Variants in CFAP57 observed in about 807,000 individuals in gnomAD.
The protein encoded by CFAP57 is cilia- and flagella-associated protein 57.
In CFAP57, 116 loss-of-function variants were observed where a neutral mutation model predicts 146.8. That is an observed-to-expected ratio of 0.79 (90% CI 0.68 to 0.92). CFAP57 has a LOEUF of 0.92. CFAP57 is among the 40% of genes least tolerant of loss of function. The pLI is 0.00. For missense variants in CFAP57, 1,377 were observed against 1,527.2 expected (o/e 0.90, Z 1.64); for synonymous variants, 518 against 552.8 (o/e 0.94, Z 0.88).
chr1:43,249,190 G>A (rs1266384195), intron 22 of CFAP57, among the ~76,000 whole-genome samples: 5 of 151,644 alleles, frequency 3.3e-5, no homozygotes, highest in South Asian at 2.1e-4. Context: ...GTGAGCTGCC[G>A]TGTCCAGCCC....
intron 21 of CFAP57, among the ~76,000 whole-genome samples, chr1:43,242,012 C>A (rs1195843846): frequency 6.6e-6 from 1 of 152,078 alleles, no homozygotes. Flanking sequence ...ACCACCTGGC[C>A]CCCAGCAAGC....
chr1:43,215,491 G>A, intron 12 of CFAP57, 75 bp downstream of exon 12: 1 of 1,496,898 alleles, frequency 6.7e-7, no homozygotes, highest in South Asian at 1.3e-5. Flanking sequence ...CCAGCACTGG[G>A]GCCCTCTACA....
At chr1:43,221,540 C>T (rs1570199344) in intron 14 of CFAP57, 75 bp downstream of exon 14, 8 of 975,872 alleles carry the variant, frequency 8.2e-6, no homozygotes, top group East Asian at 5.6e-5. Flanking sequence ...AAGAGTCCCC[C>T]AGACACAGTA....
intron 22 of CFAP57, among the ~76,000 whole-genome samples, chr1:43,243,795 C>G (rs1570345657): frequency 6.6e-6 from 1 of 152,018 alleles, no homozygotes. Context: ...GGATTGTGAA[C>G]CTGTACAATT....
intron 6 of CFAP57, among the ~76,000 whole-genome samples, chr1:43,189,220 AGTCTGTGTCCCTTGC>A (rs1643346268): frequency 6.6e-6 from 1 of 152,216 alleles, no homozygotes; most frequent in Non-Finnish European, 1.5e-5. Context: ...TGTTTTGGGT[AGTCTGTGTCCCTTGC>A]AATTCCATAT....
chr1:43,181,935 A>G, intron 3 of CFAP57, 85 bp downstream of exon 3: 3 of 1,440,802 alleles, frequency 2.1e-6, no homozygotes, highest in Non-Finnish European at 2.9e-6. Context: ...CCACAGTTCT[A>G]ATTTCCTCCA....
At chr1:43,234,202 A>G (rs1002438339) in intron 19 of CFAP57, 77 bp from the exon 20 acceptor site, 81 of 1,422,830 alleles carry the variant, frequency 5.7e-5, no homozygotes, top group Non-Finnish European at 7.1e-5. Context: ...TTTCTGTGCC[A>G]TTAACCTCTG....
intron 12 of CFAP57, among the ~76,000 whole-genome samples, chr1:43,217,511 C>T (rs1644879502): frequency 6.6e-6 from 1 of 152,140 alleles, no homozygotes; most frequent in Non-Finnish European, 1.5e-5. Context: ...AGCAGAGAAG[C>T]AAGACAGGCC....
intron 18 of CFAP57, 32 bp downstream of exon 18, chr1:43,227,158 C>T: frequency 6.7e-7 from 1 of 1,491,672 alleles, no homozygotes; most frequent in Non-Finnish European, 8.9e-7. Flanking sequence ...TCTGGCCTCT[C>T]AGACCCTCTG....
At chr1:43,244,160 C>T (rs1464538613) in intron 22 of CFAP57, among the ~76,000 whole-genome samples, 1 of 152,186 alleles carries the variant, frequency 6.6e-6, no homozygotes, top group South Asian at 2.1e-4. Context: ...CTTATCTGGA[C>T]AATCGATAAA....
At chr1:43,221,919 G>A (rs1411621494) in intron 14 of CFAP57, among the ~76,000 whole-genome samples, 186 bp from the exon 15 acceptor site, 1 of 152,148 alleles carries the variant, frequency 6.6e-6, no homozygotes, top group Non-Finnish European at 1.5e-5. Context: ...AGGGAGTTTG[G>A]CTACCTGATG....
chr1:43,216,323 C>T (rs1644832433), intron 12 of CFAP57, among the ~76,000 whole-genome samples: 1 of 152,152 alleles, frequency 6.6e-6, no homozygotes. Flanking sequence ...GTGACAAGCC[C>T]CTGGCATTCG....
At chr1:43,243,938 G>C (rs1211334997) in intron 22 of CFAP57, among the ~76,000 whole-genome samples, 1 of 152,154 alleles carries the variant, frequency 6.6e-6, no homozygotes, top group Non-Finnish European at 1.5e-5. Flanking sequence ...AAGGCAAAAA[G>C]AGAAACAAAG....
chr1:43,219,600 C>T (rs1644966769), intron 13 of CFAP57, 63 bp downstream of exon 13: 2 of 1,515,730 alleles, frequency 1.3e-6, no homozygotes, highest in South Asian at 1.2e-5. Context: ...CAAGACAGGA[C>T]TGGCATATAC....
Position 43,197,508 on chromosome 1 carries a change from C to T in CFAP57, c.1123-45C>T, listed in dbSNP as rs143588674. On this transcript the variant is annotated intron_variant, in intron 6 of 22. Transcript: ENST00000372492. ...AATTAGAGCTGACATGTACAGCCAG[C>T]CTTTTGCTTACTCTGCGGGATCTTG... The T allele has an allele frequency of 1.3e-4, 202 of 1,614,096 alleles. 1 individual carries two copies. In the African/African-American group the frequency reaches 2.5e-3, roughly 20 times the overall value.
intron 22 of CFAP57, among the ~76,000 whole-genome samples, chr1:43,244,282 C>T (rs1443442741): frequency 6.6e-6 from 1 of 152,096 alleles, no homozygotes; most frequent in African/African-American, 2.4e-5. Flanking sequence ...CTGAAACATC[C>T]CATAGCTATG....
At chr1:43,190,272 T>C (rs889499801) in intron 6 of CFAP57, among the ~76,000 whole-genome samples, 3 of 141,894 alleles carry the variant, frequency 2.1e-5, no homozygotes, top group African/African-American at 5.3e-5. Context: ...TCTCTTTTTT[T>C]TTTTTTTTTT....
chr1:43,204,604 C>G (rs1158634788), intron 9 of CFAP57, among the ~76,000 whole-genome samples: 2 of 152,192 alleles, frequency 1.3e-5, no homozygotes, highest in Non-Finnish European at 2.9e-5. Context: ...CTACTCAGAT[C>G]TATTTTTCAT....
At position 43,172,376 on chromosome 1, in the gene CFAP57, T is replaced by C; in HGVS notation, c.-97T>C. Reference sequence around the variant, plus strand: ...TAGGAACCGCTACGGCGTTTGAAAGTGTCCGGGTTGCTTAGGATCCCTACA... The same window carrying C: ...TAGGAACCGCTACGGCGTTTGAAAGCGTCCGGGTTGCTTAGGATCCCTACA... On this transcript the variant is annotated 5_prime_UTR_variant, in exon 1 of 23. Coordinates refer to ENST00000372492, the MANE Select transcript of CFAP57 (RefSeq NM_001378189.1). 1.3e-6 allele frequency: 2 copies of C among 1,551,520 alleles called. No individual in the cohort carries two copies. The highest frequency in any genetic ancestry group is 1.7e-6 in the Non-Finnish European group (2 of 1,146,960).
Sources: allele counts gnomAD v4.1 joint callset (sites outside exome capture counted in the v4.1 genomes callset), GRCh38; gene constraint gnomAD v4.1.1; transcripts MANE v1.5; gene names NCBI Gene and HGNC (gene_info 2026-07-23, HGNC 2026-07-21).